NOTUM: variants seen among roughly 807,000 people sequenced by gnomAD.
The protein encoded by NOTUM is palmitoleoyl-protein carboxylesterase NOTUM.
Under a neutral mutation model 65.5 loss-of-function variants are expected in NOTUM, and 36 were observed. The observed-to-expected ratio is 0.55, with a 90% CI of 0.42 to 0.73. The LOEUF (loss-of-function observed/expected upper bound fraction) is 0.73, where lower values mean the gene tolerates loss of function less well. Among genes scored for constraint, NOTUM ranks in the 30% least tolerant of loss-of-function variants. NOTUM has a pLI of 0.00. For synonymous variants in NOTUM, 356 were observed against 297.9 expected (o/e 1.20, Z -2.01); for missense variants, 659 against 694.2 (o/e 0.95, Z 0.57).
chr17:81,954,488 C>T (rs1208069573), intron 9 of NOTUM, among the ~76,000 whole-genome samples, 185 bp from the exon 10 acceptor site: 1 of 152,224 alleles, frequency 6.6e-6, no homozygotes, highest in African/African-American at 2.4e-5. Flanking sequence ...TCGCTTTGTG[C>T]CTCAAATCCC....
At position 81,955,556 on chromosome 17, in the gene NOTUM, G is replaced by A. The variant is rs368156154; in HGVS notation, c.989-12C>T. On this transcript the variant is annotated splice_polypyrimidine_tract_variant and intron_variant, in intron 8 of 10. Transcript: ENST00000409678. ...CACGAACACAGGGCCTGCGGGCGGC[G>A]GGGCTCAGTTCGGCCTCCCCTGACC... 5.6e-5 allele frequency: 90 copies of A among 1,606,054 alleles called. No individual in the cohort carries two copies. Among genetic ancestry groups the A allele is most frequent in the Admixed American group, 2.3e-4 (14 of 59,752 alleles).
Position 81,952,893 on chromosome 17 carries a change from G to C in NOTUM, c.*68C>G. On this transcript the variant is annotated 3_prime_UTR_variant, in exon 11 of 11. Transcript: ENST00000409678. ...GAGACGGGAGGGCCTGCTGGTGGGG[G>C]GTGAGGTGGCACTGGGGCAGCGGGT... 1.4e-6 allele frequency: 2 copies of C among 1,380,958 alleles called. No homozygotes were observed. The highest frequency in any genetic ancestry group is 1.7e-5 in the Admixed American group (1 of 58,034). The allele number at this position is 1,380,958 out of a possible 1,614,324, so 85.5% of individuals were successfully genotyped here.
chr17:81,952,585 C>CT lies in NOTUM; in HGVS notation c.*375dup, dbSNP rs535209686. The CT allele has an allele frequency of 8.2e-5, 17 of 207,282 alleles. No individual in the cohort carries two copies. The South Asian group carries it at 2.1e-3, about 26-fold the overall frequency. The allele number at this position is 207,282 out of a possible 1,614,324, so 12.8% of individuals were successfully genotyped here. A position where few individuals can be genotyped will look rare whatever the true frequency, so the allele number is the denominator to read the frequency against. ...TCATTCATCATATATTCTTATTTTC[C>CT]TTTTTTTAAAAAATTAAAGTAATAA... On this transcript the variant is annotated 3_prime_UTR_variant, in exon 11 of 11. Transcript: ENST00000409678.
intron 8 of NOTUM, among the ~76,000 whole-genome samples, chr17:81,956,440 C>CACACAGCCGGCCTCCTCCCTGGT (rs1219371729): frequency 2.6e-5 from 4 of 151,888 alleles, no homozygotes; most frequent in African/African-American, 7.3e-5. Context: ...GGCCCCCTGG[C>CACACAGCCGGCCTCCTCCCTGGT]ACACAGCCGG....
chr17:81,952,592 T>A lies in NOTUM; in HGVS notation c.*369A>T, dbSNP rs188285348. The A allele has an allele frequency of 7.2e-3, 1,542 of 215,086 alleles. 12 individuals carry two copies. Among genetic ancestry groups the A allele is most frequent in the Non-Finnish European group, 0.011 (1,167 of 108,180 alleles). The allele number at this position is 215,086 out of a possible 1,614,324, so 13.3% of individuals were successfully genotyped here. ...TCATATATTCTTATTTTCCTTTTTT[T>A]AAAAAATTAAAGTAATAAAAAAGTC... is the stretch of plus-strand genomic sequence containing the variant. On this transcript the variant is annotated 3_prime_UTR_variant, in exon 11 of 11. Transcript: ENST00000409678.
intron 6 of NOTUM, 101 bp downstream of exon 6, chr17:81,957,705 A>G: frequency 1.2e-6 from 1 of 804,144 alleles, no homozygotes. Context: ...CACAGGCTCC[A>G]CTCCATCCTC....
Position 81,953,024 on chromosome 17 carries a change from C to T in NOTUM, c.1428G>A (p.Thr476=), listed in dbSNP as rs765911846. ...FLMHMGFDMQ[T]VAQPQGLEPS... The stretch of plus-strand genomic sequence containing the variant: ...GCTCCAGTCCCTGCGGCTGGGCCAC[C>T]GTCTGCATGTCGAAGCCCATGTGCA... The change falls in exon 11 of 11, where the codon ACG becomes ACA. Residue 476 remains threonine (T), a synonymous_variant. Coordinates refer to ENST00000409678, the MANE Select transcript of NOTUM (RefSeq NM_178493.6). The T allele has an allele frequency of 8.1e-6, 13 of 1,613,938 alleles. No homozygotes were observed. The highest frequency in any genetic ancestry group is 1.1e-5 in the South Asian group (1 of 91,088).
At position 81,956,883 on chromosome 17, in the gene NOTUM, C is replaced by T. The variant is rs1274694752; in HGVS notation, c.887G>A (p.Arg296Lys). 5 of 1,608,512 alleles carry T rather than the reference C, an allele frequency of 3.1e-6. No homozygotes were observed. Among genetic ancestry groups the T allele is most frequent in the African/African-American group, 1.3e-5 (1 of 74,892 alleles). ...GGACGGGCCCTCCCCGCTGCGGCAC[C>T]TGATGCCACGGCGGATGGCCTCCGT... is the stretch of plus-strand genomic sequence containing the variant. ...APTEAIRRGI[R>K]YWNGVVPERC... is the part of the protein sequence containing the mutation. The change falls in exon 7 of 11, where the codon AGG (arginine) becomes AAG (lysine). Residue 296 changes from arginine (R) to lysine (K), a missense_variant and splice_region_variant. Transcript: ENST00000409678.
Position 81,956,652 on chromosome 17 carries a change from C to T in NOTUM, c.986G>A (p.Arg329His), listed in dbSNP as rs1482375163. 13 of 1,606,780 alleles carry T rather than the reference C, an allele frequency of 8.1e-6. No homozygotes were observed. Among genetic ancestry groups the T allele is most frequent in the Middle Eastern group, 1.7e-4 (1 of 6,052 alleles). The change falls in exon 8 of 11, where the codon CGC (arginine) becomes CAC (histidine). Residue 329 changes from arginine to histidine, a missense_variant and splice_region_variant. Transcript: ENST00000409678. Reference protein sequence around the residue: ...FFGYKVYPTLRCPVFVVQWLF... With the variant: ...FFGYKVYPTLHCPVFVVQWLF... ...GCTCCGCTCTGCCGCCCACTCACAGCGCAGGGTCGGGTAGACCTTGTAGCC... is the reference window on the plus strand; with the variant it reads ...GCTCCGCTCTGCCGCCCACTCACAGTGCAGGGTCGGGTAGACCTTGTAGCC...
Position 81,952,816 on chromosome 17 carries a change from G to A in NOTUM, c.*145C>T. ...AGAGGGGCAGGGAAAGCCGGGGCAG[G>A]AGGGCAGTGGGCAGACCCAGACAGG... is the stretch of plus-strand genomic sequence containing the variant. On this transcript the variant is annotated 3_prime_UTR_variant, in exon 11 of 11. Transcript: ENST00000409678. 1 of 699,722 alleles carries A rather than the reference G, an allele frequency of 1.4e-6. No homozygotes were observed. Among genetic ancestry groups the A allele is most frequent in the Admixed American group, 2.5e-5 (1 of 39,790 alleles). The allele number at this position is 699,722 out of a possible 1,614,324, so 43.3% of individuals were successfully genotyped here.
In NOTUM at chr17:81,956,646, TCA is replaced by T; in HGVS notation, c.988+2_988+3del. ...CTGTGTGCTCCGCTCTGCCGCCCAC[TCA>T]CAGCGCAGGGTCGGGTAGACCTTGT... On this transcript the variant is annotated splice_donor_variant and splice_donor_region_variant and intron_variant, in intron 8 of 10. Coordinates refer to ENST00000409678, the MANE Select transcript of NOTUM (RefSeq NM_178493.6). LOFTEE classifies it high-confidence loss of function. The T allele has an allele frequency of 6.2e-7, 1 of 1,601,340 alleles. No homozygotes were observed. The highest frequency in any genetic ancestry group is 8.6e-7 in the Non-Finnish European group (1 of 1,169,482).
rs981595888 is a variant in NOTUM, at chr17:81,960,415, C to T, written c.323+172G>A. On this transcript the variant is annotated intron_variant, in intron 1 of 10. Coordinates refer to ENST00000409678, the MANE Select transcript of NOTUM (RefSeq NM_178493.6). This position sits in a 1 kb window ranked among gnomAD's most constrained non-coding sequence, Gnocchi z 6.4. ...GGGACCAGCCCTTCCAGCGCCGCTC[C>T]GCTCCCCACGCGGAGAGTCACCGAA... Among the ~76,000 whole-genome samples the T allele has an allele frequency of 6.6e-6, 1 of 152,204 alleles. No individual in the cohort carries two copies. The highest frequency in any genetic ancestry group is 3.2e-3 in the Middle Eastern group (1 of 314).
In NOTUM at chr17:81,955,413, T is replaced by C; in HGVS notation, c.1120A>G (p.Thr374Ala). The change falls in exon 9 of 11, where the codon ACA becomes GCA. Residue 374 changes from threonine (T) to alanine (A), a missense_variant. Physicochemically the swap from Thr to Ala is moderately conservative, Grantham distance 58. Coordinates refer to ENST00000409678, the MANE Select transcript of NOTUM (RefSeq NM_178493.6). The part of the protein sequence containing the change: ...IQNLGRELRH[T>A]LKDVPASFAP... ...CACACTCACGGCACGTCCTTGAGTG[T>C]GTGGCGCAGCTCGCGGCCGAGGTTC... The C allele has an allele frequency of 1.3e-6, 2 of 1,587,422 alleles. No homozygotes were observed. The highest frequency in any genetic ancestry group is 1.7e-6 in the Non-Finnish European group (2 of 1,167,530).
chr17:81,956,540 C>T (rs2041434475), intron 8 of NOTUM, 110 bp downstream of exon 8: 9 of 743,544 alleles, frequency 1.2e-5, no homozygotes, highest in South Asian at 9.8e-5. Context: ...GGACCAGGGC[C>T]GTGGTCTCCA....
At chr17:81,957,161 AG>A (rs1303402046) in intron 6 of NOTUM, 87 bp from the exon 7 acceptor site, 3 of 1,099,826 alleles carry the variant, frequency 2.7e-6, no homozygotes, top group African/African-American at 1.6e-5. Flanking sequence ...CCGTGCCCCG[AG>A]GGGGGCAGGA....
chr17:81,960,690 C>G lies in NOTUM; in HGVS notation c.220G>C (p.Ala74Pro). The change falls in exon 1 of 11, where the codon GCG becomes CCG. Residue 74 changes from alanine (A) to proline (P), a missense_variant. Transcript: ENST00000409678. The surrounding 1 kb of genome is among the most constrained non-coding windows in gnomAD (Gnocchi z 6.4). ...GCGGAGCAGGGGTACAGGGACTGCG[C>G]CAGGCTCTTGACTTGCGCCATGAAG... ...DSFMAQVKSL[A>P]QSLYPCSAQQ... 1.9e-6 allele frequency: 3 copies of G among 1,601,784 alleles called. No homozygotes were observed. The highest frequency in any genetic ancestry group is 2.6e-6 in the Non-Finnish European group (3 of 1,174,916).
intron 8 of NOTUM, among the ~76,000 whole-genome samples, chr17:81,955,838 GCT>G: frequency 8.0e-6 from 1 of 124,814 alleles, no homozygotes; most frequent in African/African-American, 3.1e-5. Flanking sequence ...CCCATCCCAG[GCT>G]CAGAGCTCAG....
chr17:81,956,165 C>G (rs1450027381), intron 8 of NOTUM, among the ~76,000 whole-genome samples: 3 of 152,238 alleles, frequency 2.0e-5, no homozygotes, highest in Admixed American at 1.3e-4. Flanking sequence ...TTTAACCCCT[C>G]CATGACCTTG....
At chr17:81,956,608 C>T (rs1471860749) in intron 8 of NOTUM, 42 bp downstream of exon 8, 7 of 1,361,544 alleles carry the variant, frequency 5.1e-6, no homozygotes, top group Admixed American at 1.8e-5. Context: ...GAAGTGTGGC[C>T]ACCCCTGCTG....
Sources: gnomAD v4.1 joint callset for allele counts (sites outside exome capture counted in the v4.1 genomes callset) on GRCh38, gnomAD v4.1.1 for gene constraint, Gnocchi (gnomAD v3.1) non-coding constraint, MANE v1.5 for transcripts, NCBI Gene and HGNC (gene_info 2026-07-23, HGNC 2026-07-21) for gene names.